PCDHA10: variants seen among roughly 807,000 people sequenced by gnomAD.
PCDHA10 encodes the protein protocadherin alpha-10.
PCDHA10 carries 45 observed loss-of-function variants against 61.2 expected under a neutral mutation model. The observed-to-expected ratio is 0.74, with a 90% CI of 0.58 to 0.94. The LOEUF is 0.94. Among genes scored for constraint, PCDHA10 ranks in the 40% least tolerant of loss-of-function variants. The pLI is 0.00. For missense variants in PCDHA10, 1,278 were observed against 1,236.2 expected (o/e 1.03, Z -0.51); for synonymous variants, 602 against 548.8 (o/e 1.10, Z -1.35).
At chr5:141,007,527 C>T (rs1184006315) in intron 3 of PCDHA10, among the ~76,000 whole-genome samples, 1 of 152,070 alleles carries the variant, frequency 6.6e-6, no homozygotes, top group Non-Finnish European at 1.5e-5. Flanking sequence ...GATATCTCGC[C>T]ACTGCACTCC....
In PCDHA10 at chr5:140,858,422, G is replaced by C; in HGVS notation, c.2374G>C (p.Asp792His). 1.9e-6 allele frequency: 3 copies of C among 1,554,774 alleles called. No individual in the cohort carries two copies. Among genetic ancestry groups the C allele is most frequent in the Non-Finnish European group, 2.6e-6 (3 of 1,141,864 alleles). The change falls in exon 1 of 4, where the codon GAC (aspartate) becomes CAC (histidine). Residue 792 changes from aspartate to histidine, a missense_variant. By Grantham distance (81) the Asp-to-His change is moderately conservative. Coordinates refer to ENST00000307360, the MANE Select transcript of PCDHA10 (RefSeq NM_018901.4). Reference sequence around the variant, plus strand: ...CGGGGAAGATCAGTCTATTGGAGGGGACCACTCTAGGAAGGTGGGTTATTA... The same window carrying C: ...CGGGGAAGATCAGTCTATTGGAGGGCACCACTCTAGGAAGGTGGGTTATTA... ...VDGEDQSIGG[D>H]HSRKPRQPNP...
intron 1 of PCDHA10, among the ~76,000 whole-genome samples, chr5:140,937,624 A>G (rs2091636613): frequency 6.6e-6 from 1 of 150,778 alleles, no homozygotes; most frequent in Non-Finnish European, 1.5e-5. Context: ...CTAAAAAGAA[A>G]AAGAAAGGCA....
chr5:140,967,156 G>T, intron 1 of PCDHA10: 1 of 1,610,540 alleles, frequency 6.2e-7, no homozygotes, highest in Non-Finnish European at 8.5e-7. Context: ...ACCCCGTGGC[G>T]GTGAGCGCCG....
At chr5:140,939,149 C>T (rs2092323339) in intron 1 of PCDHA10, among the ~76,000 whole-genome samples, 1 of 152,124 alleles carries the variant, frequency 6.6e-6, no homozygotes, top group South Asian at 2.1e-4. Flanking sequence ...GATCAAGGTC[C>T]TGGCAGATTT....
At chr5:140,926,517 C>G (rs1428470636) in intron 1 of PCDHA10, 1 of 201,972 alleles carries the variant, frequency 5.0e-6, no homozygotes. Flanking sequence ...CCAGGCTCCG[C>G]CCTGCGCCCG....
At chr5:140,947,957 A>G (rs2094196859) in intron 1 of PCDHA10, among the ~76,000 whole-genome samples, 1 of 151,542 alleles carries the variant, frequency 6.6e-6, no homozygotes, top group African/African-American at 2.4e-5. Flanking sequence ...ATATTTTACA[A>G]TTAAGTATGT....
chr5:140,924,754 G>T (rs1332624356), intron 1 of PCDHA10, among the ~76,000 whole-genome samples: 1 of 151,848 alleles, frequency 6.6e-6, no homozygotes, highest in African/African-American at 2.4e-5. Flanking sequence ...AATTAACCGA[G>T]CATGGTGGTG....
rs781859537 is a variant in PCDHA10, at chr5:140,858,340, G to A, written c.2292G>A (p.Lys764=). ...QRVCSGEGLP[K]ADLMAFSPSL... Reference sequence around the variant, plus strand: ...TGTGTTCTGGGGAGGGCCTGCCCAAGGCGGACCTCATGGCCTTCAGCCCCA... The same window carrying A: ...TGTGTTCTGGGGAGGGCCTGCCCAAAGCGGACCTCATGGCCTTCAGCCCCA... The change falls in exon 1 of 4, where the codon AAG becomes AAA. Residue 764 remains lysine, a synonymous_variant. Coordinates refer to ENST00000307360, the MANE Select transcript of PCDHA10 (RefSeq NM_018901.4). The A allele has an allele frequency of 1.2e-5, 19 of 1,595,540 alleles. No individual in the cohort carries two copies. In the South Asian group the frequency reaches 1.3e-4, roughly 11 times the overall value.
chr5:140,939,018 T>G (rs1554212547), intron 1 of PCDHA10, among the ~76,000 whole-genome samples: 1 of 152,228 alleles, frequency 6.6e-6, no homozygotes, highest in Non-Finnish European at 1.5e-5. Context: ...TTACTTTTCT[T>G]TTACTTATTC....
intron 1 of PCDHA10, among the ~76,000 whole-genome samples, chr5:140,934,108 T>C (rs574657499): frequency 6.6e-6 from 1 of 152,276 alleles, no homozygotes; most frequent in East Asian, 1.9e-4. Flanking sequence ...TCTATTTTAT[T>C]AATTTTCATA....
intron 1 of PCDHA10, among the ~76,000 whole-genome samples, chr5:140,911,564 CTT>C (rs1188784239): frequency 6.6e-6 from 1 of 152,226 alleles, no homozygotes. Flanking sequence ...TCTTTCATCA[CTT>C]TGTCCAGTGA....
intron 1 of PCDHA10, chr5:140,930,291 C>G (rs529065220): frequency 2.0e-5 from 3 of 152,094 alleles, no homozygotes; most frequent in Non-Finnish European, 4.4e-5. Flanking sequence ...ATACACTTAA[C>G]AAATAAGTAA....
intron 1 of PCDHA10, among the ~76,000 whole-genome samples, chr5:140,931,051 G>A (rs1460771235): frequency 6.6e-6 from 1 of 152,134 alleles, no homozygotes; most frequent in African/African-American, 2.4e-5. Flanking sequence ...AAACTTCAAT[G>A]CTGTGTCTGG....
rs536794003 is a variant in PCDHA10, at chr5:140,982,215, G to A, written c.2448-260G>A. Reference sequence around the variant, plus strand: ...CTGTTAGATTTAGTGAGCGCCACATGGCGTTAATAAAAAACAGAATTGCCA... The same window carrying A: ...CTGTTAGATTTAGTGAGCGCCACATAGCGTTAATAAAAAACAGAATTGCCA... On this transcript the variant is annotated intron_variant, in intron 2 of 3. Coordinates refer to ENST00000307360, the MANE Select transcript of PCDHA10 (RefSeq NM_018901.4). The A allele has an allele frequency of 2.0e-5, 10 of 491,624 alleles. No individual in the cohort carries two copies. In the South Asian group the frequency reaches 3.6e-4, roughly 18 times the overall value. The allele number at this position is 491,624 out of a possible 1,614,324, so 30.5% of individuals were successfully genotyped here. A position where few individuals can be genotyped will look rare whatever the true frequency, so the allele number is the denominator to read the frequency against.
At chr5:140,945,155 A>G (rs566867183) in intron 1 of PCDHA10, among the ~76,000 whole-genome samples, 22 of 152,284 alleles carry the variant, frequency 1.4e-4, no homozygotes, top group African/African-American at 5.3e-4. Context: ...TCTATACACT[A>G]TTGAACTATC....
intron 3 of PCDHA10, among the ~76,000 whole-genome samples, chr5:140,987,510 C>A (rs1225122300): frequency 6.6e-6 from 1 of 152,184 alleles, no homozygotes; most frequent in Non-Finnish European, 1.5e-5. Flanking sequence ...ACCTCTGCCA[C>A]TCAGTAATTG....
At chr5:140,921,198 A>T (rs1298623554) in intron 1 of PCDHA10, among the ~76,000 whole-genome samples, 2 of 152,076 alleles carry the variant, frequency 1.3e-5, no homozygotes, top group African/African-American at 4.8e-5. Flanking sequence ...CAATAGATTG[A>T]CAACGATAAT....
chr5:140,937,199 G>A (rs2091405017), intron 1 of PCDHA10, among the ~76,000 whole-genome samples: 2 of 151,792 alleles, frequency 1.3e-5, no homozygotes, highest in Admixed American at 6.6e-5. Context: ...CACCATGCCC[G>A]GCTAATTTTT....
chr5:140,858,338 A>G lies in PCDHA10; in HGVS notation c.2290A>G (p.Lys764Glu), dbSNP rs1323713253. 1.3e-6 allele frequency: 2 copies of G among 1,595,638 alleles called. No individual in the cohort carries two copies. Among genetic ancestry groups the G allele is most frequent in the African/African-American group, 2.7e-5 (2 of 74,356 alleles). The change falls in exon 1 of 4, where the codon AAG becomes GAG. Residue 764 changes from lysine (K) to glutamate (E), a missense_variant. Coordinates refer to ENST00000307360, the MANE Select transcript of PCDHA10 (RefSeq NM_018901.4). The stretch of plus-strand genomic sequence containing the variant: ...GGTGTGTTCTGGGGAGGGCCTGCCC[A>G]AGGCGGACCTCATGGCCTTCAGCCC... ...QRVCSGEGLP[K>E]ADLMAFSPSL... is the part of the protein sequence containing the mutation.
Sources: allele counts gnomAD v4.1 joint callset (sites outside exome capture counted in the v4.1 genomes callset), GRCh38; gene constraint gnomAD v4.1.1; transcripts MANE v1.5; gene names NCBI Gene and HGNC (gene_info 2026-07-23, HGNC 2026-07-21).